The following DNAH6 variants were observed in gnomAD, a reference collection of about 807,000 sequenced individuals.
The protein encoded by DNAH6 is axonemal beta dynein heavy chain 6.
Under a neutral mutation model 491.4 loss-of-function variants are expected in DNAH6, and 340 were observed. The ratio of observed to expected loss-of-function variants is 0.69; its 90% confidence interval spans 0.63 to 0.76. The LOEUF is 0.76. DNAH6 is among the 30% of genes least tolerant of loss of function. The pLI, the probability that DNAH6 is intolerant of heterozygous loss-of-function variation, is 0.00. For synonymous variants in DNAH6, 1,603 were observed against 1,686.1 expected, an observed-to-expected ratio of 0.95 and a Z score of 1.21; for missense variants, 4,443 against 4,972.2, an observed-to-expected ratio of 0.89 and a Z score of 3.20.
chr2:84,588,481 C>T (rs561770083), intron 15 of DNAH6, among the ~76,000 whole-genome samples: 3 of 152,192 alleles, frequency 2.0e-5, no homozygotes, highest in South Asian at 2.1e-4. Context: ...GGAAATTTAC[C>T]GTATATCATA....
intron 63 of DNAH6, chr2:84,750,785 T>C (rs1673399490): frequency 6.6e-6 from 1 of 152,248 alleles, no homozygotes; most frequent in African/African-American, 2.4e-5. Context: ...ATAACATAGC[T>C]GTCCACATGT....
At chr2:84,652,991 A>C (rs1440288665) in intron 33 of DNAH6, among the ~76,000 whole-genome samples, 1 of 151,958 alleles carries the variant, frequency 6.6e-6, no homozygotes, top group Non-Finnish European at 1.5e-5. Flanking sequence ...ATAATTAAAA[A>C]TAAGTTCATC....
Position 84,681,370 on chromosome 2 carries a change from G to T in DNAH6, c.6758G>T (p.Gly2253Val), listed in dbSNP as rs1207848509. Residue 2253 changes from glycine (G) to valine (V), a missense_variant, in exon 42 of 77, where the codon GGT becomes GTT. By Grantham distance (109) the Gly-to-Val change is moderately radical. Coordinates refer to ENST00000389394, the MANE Select transcript of DNAH6 (RefSeq NM_001370.2). Reference sequence around the variant, plus strand: ...TTCTGGTTCTAGGCCATCTTAAATGGTTTCCTGAGTGACTTTCCACCAGCT... The same window carrying T: ...TTCTGGTTCTAGGCCATCTTAAATGTTTTCCTGAGTGACTTTCCACCAGCT... Reference protein sequence around the residue: ...LKQIFQAILNGFLSDFPPAVK... With the variant: ...LKQIFQAILNVFLSDFPPAVK... 2.6e-6 allele frequency: 4 copies of T among 1,543,876 alleles called. No homozygotes were observed. The highest frequency in any genetic ancestry group is 3.5e-6 in the Non-Finnish European group (4 of 1,143,570).
At chr2:84,814,954 G>C (rs1481710354) in intron 75 of DNAH6, among the ~76,000 whole-genome samples, 2 of 152,196 alleles carry the variant, frequency 1.3e-5, no homozygotes, top group East Asian at 1.9e-4. Context: ...CTAAACACAG[G>C]GTATGTGTTT....
chr2:84,551,432 C>G (rs1679354705), intron 9 of DNAH6, among the ~76,000 whole-genome samples: 1 of 152,176 alleles, frequency 6.6e-6, no homozygotes, highest in African/African-American at 2.4e-5. Flanking sequence ...ACTGCTTTAT[C>G]CCTTGCTTTT....
At position 84,694,266 on chromosome 2, in the gene DNAH6, G is replaced by A. The variant is rs781358069; in HGVS notation, c.7310G>A (p.Arg2437His). 9.7e-6 allele frequency: 15 copies of A among 1,551,868 alleles called. No individual in the cohort carries two copies. Among genetic ancestry groups the A allele is most frequent in the Admixed American group, 3.9e-5 (2 of 50,994 alleles). The change falls in exon 46 of 77, where the codon CGT becomes CAT. Residue 2437 changes from arginine to histidine, a missense_variant. Physicochemically the swap from Arg to His is conservative, Grantham distance 29. Coordinates refer to ENST00000389394, the MANE Select transcript of DNAH6 (RefSeq NM_001370.2). ...EHVSRIARMI[R>H]QERGNALLVG... ...GTTTGCAGGATTGCTCGGATGATAC[G>A]TCAAGAAAGAGGCAATGCCCTGCTT...
Position 84,733,463 on chromosome 2 carries a change from A to G in DNAH6, c.10226A>G (p.Glu3409Gly), listed in dbSNP as rs753074233. Residue 3409 changes from glutamate (E) to glycine (G), a missense_variant, in exon 62 of 77, where the codon GAA becomes GGA. Glu to Gly is a moderately conservative substitution (Grantham distance 98). Transcript: ENST00000389394. ...GLEKERPPKP[E>G]APWLPTATWF... Reference sequence around the variant, plus strand: ...AAACAGGAACGCCCACCTAAGCCTGAAGCTCCCTGGCTACCTACTGCTACA... The same window carrying G: ...AAACAGGAACGCCCACCTAAGCCTGGAGCTCCCTGGCTACCTACTGCTACA... The G allele has an allele frequency of 1.3e-6, 2 of 1,551,186 alleles. No homozygotes were observed. The highest frequency in any genetic ancestry group is 1.7e-6 in the Non-Finnish European group (2 of 1,146,616).
intron 23 of DNAH6, among the ~76,000 whole-genome samples, chr2:84,618,264 G>A (rs1687074385): frequency 1.3e-5 from 2 of 152,004 alleles, no homozygotes; most frequent in South Asian, 2.1e-4. Flanking sequence ...CCAAAGTCTC[G>A]GCTTCCTGCA....
the DNAH6 span, among the ~76,000 whole-genome samples, chr2:84,465,692 T>C: frequency 6.6e-6 from 1 of 152,200 alleles, no homozygotes; most frequent in Non-Finnish European, 1.5e-5. Context: ...GATTCCAATA[T>C]GTGCCCAGGA....
chr2:84,712,205 A>G (rs778971310), intron 56 of DNAH6, among the ~76,000 whole-genome samples: 9 of 152,168 alleles, frequency 5.9e-5, no homozygotes, highest in Non-Finnish European at 1.3e-4. Flanking sequence ...CTCAATCAAC[A>G]TTTTCAAATG....
intron 75 of DNAH6, among the ~76,000 whole-genome samples, chr2:84,814,529 C>A (rs1049282140): frequency 1.3e-5 from 2 of 152,150 alleles, no homozygotes; most frequent in African/African-American, 4.8e-5. Flanking sequence ...TAAGATCCTT[C>A]TTGTCTTAAG....
the DNAH6 span, among the ~76,000 whole-genome samples, chr2:84,510,961 G>C: frequency 8.5e-5 from 13 of 152,188 alleles, no homozygotes; most frequent in African/African-American, 2.9e-4. Flanking sequence ...GTACCCGGCC[G>C]TGTGAGGTGT....
Position 84,625,104 on chromosome 2 carries a change from T to A in DNAH6, c.4515+41T>A, listed in dbSNP as rs13405314. On this transcript the variant is annotated intron_variant, in intron 29 of 76. Coordinates refer to ENST00000389394, the MANE Select transcript of DNAH6 (RefSeq NM_001370.2). Reference sequence around the variant, plus strand: ...CTGAATATTAACATTAAGTGTTTTATGTGTCTTTCTCTATTTGCAACATGA... The same window carrying A: ...CTGAATATTAACATTAAGTGTTTTAAGTGTCTTTCTCTATTTGCAACATGA... 0.088 allele frequency: 127,181 copies of A among 1,442,464 alleles called. 7,632 individuals are homozygous for A. Among genetic ancestry groups the A allele is most frequent in the African/African-American group, 0.3 (20,803 of 69,370 alleles). The allele number at this position is 1,442,464 out of a possible 1,614,324, so 89.4% of individuals were successfully genotyped here.
the DNAH6 span, among the ~76,000 whole-genome samples, chr2:84,471,355 G>A: frequency 6.6e-6 from 1 of 152,168 alleles, no homozygotes; most frequent in African/African-American, 2.4e-5. Context: ...TATTCAAAAT[G>A]GAGTCGCTCT....
At chr2:84,539,065 C>T (rs543897644) in intron 4 of DNAH6, among the ~76,000 whole-genome samples, 1 of 152,182 alleles carries the variant, frequency 6.6e-6, no homozygotes, top group South Asian at 2.1e-4. Flanking sequence ...ACCAGGTTGT[C>T]TAACACAGTG....
chr2:84,467,559 A>G, the DNAH6 span, among the ~76,000 whole-genome samples: 1 of 152,256 alleles, frequency 6.6e-6, no homozygotes, highest in East Asian at 1.9e-4. Context: ...CAAGTTGTAG[A>G]GTGAGAGTCA....
chr2:84,726,785 AAAT>A (rs1308955310), intron 60 of DNAH6, among the ~76,000 whole-genome samples: 6 of 111,152 alleles, frequency 5.4e-5, no homozygotes, highest in African/African-American at 2.0e-4. Context: ...ATAATAAAAA[AAAT>A]AAAATAAAAA....
Position 84,650,093 on chromosome 2 carries a change from A to T in DNAH6, c.5079-3226A>T, listed in dbSNP as rs888265853. ...ATTGTTTTCTTTGTCTTCCATTTTT[A>T]GAAGTTGGACTATGTTGTATCTTCA... is the stretch of plus-strand genomic sequence containing the variant. On this transcript the variant is annotated intron_variant, in intron 33 of 76. Transcript: ENST00000389394. 3.3e-5 allele frequency among the ~76,000 whole-genome samples: 5 copies of T among 150,076 alleles called. No homozygotes were observed. In the South Asian group the frequency reaches 1.1e-3, roughly 32 times the overall value.
chr2:84,644,515 G>T (rs1689719296), intron 33 of DNAH6, among the ~76,000 whole-genome samples: 1 of 151,772 alleles, frequency 6.6e-6, no homozygotes, highest in African/African-American at 2.4e-5. Flanking sequence ...ATGGTGGTTT[G>T]CTGCACAGAT....
Sources: allele counts gnomAD v4.1 joint callset (sites outside exome capture counted in the v4.1 genomes callset), GRCh38; gene constraint gnomAD v4.1.1; transcripts MANE v1.5; gene names NCBI Gene and HGNC (gene_info 2026-07-23, HGNC 2026-07-21).